Variants in AVEN observed in about 807,000 individuals in gnomAD.
AVEN encodes the protein cell death regulator Aven.
AVEN carries 41 observed loss-of-function variants against 38.1 expected under a neutral mutation model. The ratio of observed to expected loss-of-function variants is 1.08; its 90% CI spans 0.84 to 1.40. The LOEUF is 1.40. Ranked by LOEUF, AVEN falls within the 40% of genes most tolerant of loss-of-function variation. The probability of loss-of-function intolerance (pLI) is 0.00; values close to 1 mark genes in which losing one functional copy is unlikely to be tolerated. For synonymous variants in AVEN, 206 were observed against 171.8 expected (o/e 1.20, Z -1.56); for missense variants, 605 against 438.8 (o/e 1.38, Z -3.38).
intron 1 of AVEN, among the ~76,000 whole-genome samples, chr15:34,036,347 G>C (rs1418773908): frequency 6.6e-6 from 1 of 150,778 alleles, no homozygotes; most frequent in Non-Finnish European, 1.5e-5. Flanking sequence ...TGTATGCAGT[G>C]GTCCAAAATA....
chr15:34,053,318 AAATAT>A (rs1451864920), intron 5 of AVEN, among the ~76,000 whole-genome samples: 2 of 101,972 alleles, frequency 2.0e-5, no homozygotes, highest in Admixed American at 1.2e-4. Flanking sequence ...AAAAAAAAAA[AAATAT>A]ATATATATAT....
intron 2 of AVEN, among the ~76,000 whole-genome samples, chr15:33,909,984 T>C (rs1892858132): frequency 1.3e-5 from 2 of 151,972 alleles, no homozygotes; most frequent in South Asian, 4.2e-4. Context: ...AAAAATTAGC[T>C]GGGCTTGGTG....
chr15:33,960,334 A>G (rs1341231293), intron 2 of AVEN, among the ~76,000 whole-genome samples: 4 of 152,188 alleles, frequency 2.6e-5, no homozygotes, highest in Non-Finnish European at 1.5e-5. Flanking sequence ...ACACAACCTC[A>G]ACCATAGCAG....
chr15:33,865,229 C>CTGAA, downstream of AVEN: 1 of 1,607,920 alleles, frequency 6.2e-7, no homozygotes, highest in Non-Finnish European at 8.5e-7. Context: ...TTGGATAAAT[C>CTGAA]TGAATCAAAG....
intron 5 of AVEN, among the ~76,000 whole-genome samples, chr15:34,048,013 C>T (rs939954129): frequency 1.1e-4 from 16 of 141,846 alleles, no homozygotes; most frequent in African/African-American, 3.2e-4. Flanking sequence ...CACATCACCA[C>T]GTCCAGCTCG....
In AVEN at chr15:33,867,574, C is replaced by G; in HGVS notation, c.894G>C (p.Glu298Asp). ...TCTGATCTGGTAAGATGTTATCTCC[C>G]TCTTTTATAGGTGCATCTAAATTAA... ...LLLNLDAPIK[E>D]GDNILPDQTS... The change falls in exon 5 of 6, where the codon GAG (glutamate) becomes GAC (aspartate). Residue 298 changes from glutamate (E) to aspartate (D), a missense_variant. Glu to Asp is a conservative substitution (Grantham distance 45, BLOSUM62 2). Coordinates refer to ENST00000306730, the MANE Select transcript of AVEN (RefSeq NM_020371.3). 1 of 1,614,140 alleles carries G rather than the reference C, an allele frequency of 6.2e-7. No individual in the cohort carries two copies. The highest frequency in any genetic ancestry group is 8.5e-7 in the Non-Finnish European group (1 of 1,180,004).
At chr15:33,932,106 A>G (rs1893872879) in intron 2 of AVEN, among the ~76,000 whole-genome samples, 1 of 152,252 alleles carries the variant, frequency 6.6e-6, no homozygotes, top group African/African-American at 2.4e-5. Flanking sequence ...ATTGCAGACC[A>G]CTAAGAGCAG....
intron 1 of AVEN, among the ~76,000 whole-genome samples, chr15:34,009,465 T>C (rs1270275252): frequency 6.6e-6 from 1 of 152,190 alleles, no homozygotes; most frequent in Non-Finnish European, 1.5e-5. Context: ...GCCTATAACA[T>C]AGATTTTTTT....
intron 2 of AVEN, among the ~76,000 whole-genome samples, chr15:33,937,932 C>CAAAAAAAAAAAA (rs55887919): frequency 8.9e-5 from 9 of 100,866 alleles, no homozygotes; most frequent in African/African-American, 2.7e-4. Context: ...CCTACTTGAC[C>CAAAAAAAAAAAA]AAAAAAAAAA....
At chr15:33,906,686 T>C (rs1322868095) in intron 2 of AVEN, among the ~76,000 whole-genome samples, 3 of 152,148 alleles carry the variant, frequency 2.0e-5, no homozygotes, top group Non-Finnish European at 4.4e-5. Flanking sequence ...GTAGTCAGAC[T>C]CATAGAGACA....
At chr15:34,037,448 A>G (rs1271998140) in intron 1 of AVEN, among the ~76,000 whole-genome samples, 1 of 151,166 alleles carries the variant, frequency 6.6e-6, no homozygotes, top group Non-Finnish European at 1.5e-5. Context: ...AACCTGTAAA[A>G]ATAAAGATTA....
intron 1 of AVEN, among the ~76,000 whole-genome samples, chr15:34,024,341 G>T (rs758146824): frequency 6.6e-6 from 1 of 151,934 alleles, no homozygotes; most frequent in Non-Finnish European, 1.5e-5. Context: ...AGTGATGGGC[G>T]GCAATCTCTA....
At chr15:34,000,064 T>C (rs1291911149) in intron 2 of AVEN, among the ~76,000 whole-genome samples, 1 of 152,162 alleles carries the variant, frequency 6.6e-6, no homozygotes, top group Non-Finnish European at 1.5e-5. Flanking sequence ...GAGCTTGCTA[T>C]TCCCTTTGCC....
intron 2 of AVEN, among the ~76,000 whole-genome samples, chr15:33,966,717 G>A (rs1268981347): frequency 6.6e-6 from 1 of 152,100 alleles, no homozygotes; most frequent in African/African-American, 2.4e-5. Flanking sequence ...GACAGGTGAG[G>A]GTGTGGCACA....
At chr15:34,012,762 A>G (rs922405287) in intron 1 of AVEN, among the ~76,000 whole-genome samples, 1 of 152,218 alleles carries the variant, frequency 6.6e-6, no homozygotes, top group Non-Finnish European at 1.5e-5. Flanking sequence ...TAACAAGTAA[A>G]GCATTACTGA....
At chr15:34,025,374 T>C (rs1190128188) in intron 1 of AVEN, among the ~76,000 whole-genome samples, 3 of 152,072 alleles carry the variant, frequency 2.0e-5, no homozygotes, top group Non-Finnish European at 4.4e-5. Context: ...ATAGGCTGAA[T>C]AAAAAATGAG....
intron 2 of AVEN, among the ~76,000 whole-genome samples, chr15:33,936,164 T>C (rs1250236999): frequency 6.7e-6 from 1 of 150,322 alleles, no homozygotes; most frequent in Non-Finnish European, 1.5e-5. Context: ...GGATGGCCTC[T>C]ATCACTGCCT....
intron 2 of AVEN, among the ~76,000 whole-genome samples, chr15:33,894,575 C>T (rs59776702): frequency 1.4e-5 from 2 of 145,614 alleles, no homozygotes; most frequent in Non-Finnish European, 3.0e-5. Flanking sequence ...TTTGGGAGGC[C>T]GAGGCAGGGG....
At chr15:33,865,330 A>G (rs1890140295), downstream of AVEN, 1 of 790,482 alleles carries the variant, frequency 1.3e-6, no homozygotes. Flanking sequence ...CATTTTCTAA[A>G]TGCCTCCCTT....
Sources: allele counts gnomAD v4.1 joint callset (sites outside exome capture counted in the v4.1 genomes callset), GRCh38; gene constraint gnomAD v4.1.1; transcripts MANE v1.5; gene names NCBI Gene and HGNC (gene_info 2026-07-23, HGNC 2026-07-21).